The following TULP4 variants were observed in gnomAD, a reference collection of about 807,000 sequenced individuals.
TULP4 encodes TUB like protein 4.
In TULP4, 16 loss-of-function variants were observed where a neutral mutation model predicts 129.0. The ratio of observed to expected loss-of-function variants is 0.12; its 90% CI spans 0.08 to 0.19. The LOEUF is 0.19. TULP4 is among the 10% of genes least tolerant of loss of function. TULP4 has a pLI of 1.00. For synonymous variants in TULP4, 998 were observed against 854.0 expected (o/e 1.17, Z -2.94); for missense variants, 1,842 against 2,059.1 (o/e 0.89, Z 2.04).
intron 1 of TULP4, among the ~76,000 whole-genome samples, chr6:158,411,143 AAAG>A (rs1180717729): frequency 6.6e-6 from 1 of 152,106 alleles, no homozygotes; most frequent in Non-Finnish European, 1.5e-5. Context: ...AAAAAAAAAA[AAAG>A]TAAACTACTT....
chr6:158,472,143 C>T (rs528463325), intron 6 of TULP4, among the ~76,000 whole-genome samples: 3 of 152,290 alleles, frequency 2.0e-5, no homozygotes, highest in African/African-American at 4.8e-5. Context: ...TGTAAACCCT[C>T]GGGGTGTTTA....
intron 1 of TULP4, among the ~76,000 whole-genome samples, chr6:158,344,736 A>AC: frequency 6.6e-6 from 1 of 152,232 alleles, no homozygotes; most frequent in Middle Eastern, 3.4e-3. Context: ...CCAGTGAATA[A>AC]CCCTACGGTG....
At chr6:158,429,352 T>C (rs767059597) in intron 2 of TULP4, among the ~76,000 whole-genome samples, 5 of 152,262 alleles carry the variant, frequency 3.3e-5, no homozygotes, top group Non-Finnish European at 7.3e-5. Context: ...TTAACCAGGC[T>C]GGTCTCAAAC....
intron 1 of TULP4, among the ~76,000 whole-genome samples, chr6:158,369,164 A>G (rs537958349): frequency 6.6e-6 from 1 of 152,296 alleles, no homozygotes; most frequent in African/African-American, 2.4e-5. Context: ...CTTACAGGGA[A>G]TGTCATTTTA....
chr6:158,235,259 T>G (rs1777668368), intron 1 of TULP4, among the ~76,000 whole-genome samples: 1 of 152,150 alleles, frequency 6.6e-6, no homozygotes, highest in Non-Finnish European at 1.5e-5. Flanking sequence ...CAACTATCAC[T>G]TCTGTCCAGA....
chr6:158,319,213 C>T (rs1353898977), intron 1 of TULP4, among the ~76,000 whole-genome samples: 1 of 152,064 alleles, frequency 6.6e-6, no homozygotes, highest in Non-Finnish European at 1.5e-5. Context: ...CTGTGGGTGG[C>T]ACTAGATAAT....
intron 5 of TULP4, among the ~76,000 whole-genome samples, chr6:158,453,485 C>CAAAAAAAAAAAAAA (rs869146924): frequency 1.1e-3 from 20 of 17,984 alleles, no homozygotes; most frequent in Non-Finnish European, 1.5e-3. Flanking sequence ...CTCTGTCTCA[C>CAAAAAAAAAAAAAA]AAAAAAAAAA....
In TULP4 at chr6:158,389,530, T is replaced by TG. The variant is rs72116414; in HGVS notation, c.253-23535_253-23534insG. Among the ~76,000 whole-genome samples the TG allele has an allele frequency of 2.0e-3, 296 of 150,644 alleles. 3 individuals carry two copies. The highest frequency in any genetic ancestry group is 7.2e-3 in the African/African-American group (291 of 40,404). On this transcript the variant is annotated intron_variant, in intron 1 of 13. Transcript: ENST00000367097. ...CTGAGACAAAAGTGAGACAGCATACTTTTTTTTTAATCATATACGTTTAAA... is the reference window on the plus strand; with the variant it reads ...CTGAGACAAAAGTGAGACAGCATACTGTTTTTTTTAATCATATACGTTTAAA...
intron 1 of TULP4, among the ~76,000 whole-genome samples, chr6:158,395,654 G>C (rs547299847): frequency 2.2e-5 from 2 of 90,622 alleles, no homozygotes; most frequent in South Asian, 9.6e-4. Context: ...CTGGCCCTGA[G>C]GTAAAGTGAT....
intron 1 of TULP4, among the ~76,000 whole-genome samples, chr6:158,253,567 G>C (rs1778185364): frequency 6.6e-6 from 1 of 151,716 alleles, no homozygotes. Flanking sequence ...TTATCTTGTG[G>C]CTTCTCAGCT....
At chr6:158,278,931 G>GTTTTTTT (rs1389156177), upstream of TULP4, among the ~76,000 whole-genome samples, 5 of 96,034 alleles carry the variant, frequency 5.2e-5, no homozygotes, top group Non-Finnish European at 7.9e-5. Flanking sequence ...CATAGTTGTT[G>GTTTTTTT]TTTTTTTTTG....
At chr6:158,418,199 C>T (rs567916686) in intron 2 of TULP4, among the ~76,000 whole-genome samples, 59 of 151,484 alleles carry the variant, frequency 3.9e-4, no homozygotes, top group African/African-American at 9.2e-4. Context: ...CTCCACCTCC[C>T]GGGTTGAAGC....
chr6:158,441,501 C>T (rs1309134548), intron 3 of TULP4, among the ~76,000 whole-genome samples: 4 of 152,156 alleles, frequency 2.6e-5, no homozygotes, highest in East Asian at 3.8e-4. Context: ...TAAATGCCAG[C>T]GTTTAGCCAG....
intron 1 of TULP4, among the ~76,000 whole-genome samples, chr6:158,395,351 C>G (rs1411667373): frequency 1.3e-5 from 2 of 152,024 alleles, no homozygotes; most frequent in African/African-American, 4.8e-5. Context: ...GAGGCTGAGG[C>G]AGGCGGATCA....
At chr6:158,435,504 C>A (rs900303288) in intron 3 of TULP4, among the ~76,000 whole-genome samples, 1 of 152,164 alleles carries the variant, frequency 6.6e-6, no homozygotes, top group African/African-American at 2.4e-5. Flanking sequence ...GCTGTCATCT[C>A]CCTCCCCGGC....
At chr6:158,237,953 G>T (rs1303812467) in intron 1 of TULP4, 6 of 724,678 alleles carry the variant, frequency 8.3e-6, no homozygotes, top group African/African-American at 3.5e-5. Flanking sequence ...GCCTCCTCCC[G>T]CCCATATTTG....
chr6:158,422,621 C>G (rs1366940731), intron 2 of TULP4, among the ~76,000 whole-genome samples: 2 of 152,106 alleles, frequency 1.3e-5, no homozygotes, highest in Non-Finnish European at 2.9e-5. Flanking sequence ...GGAAGAGGCT[C>G]CCCCATACAG....
chr6:158,367,488 G>GCAGC (rs1454841685), intron 1 of TULP4, among the ~76,000 whole-genome samples: 2 of 152,176 alleles, frequency 1.3e-5, no homozygotes, highest in African/African-American at 2.4e-5. Flanking sequence ...TAGTAAAGAA[G>GCAGC]CAGCCATATG....
Position 158,509,794 on chromosome 6 carries a change from A to C in TULP4, c.*3100A>C, listed in dbSNP as rs1189874305. ...AGGGGCTGCCCTCCTGCGCCAAGGCAGACACAAGCTGCGGGCTGTGCGGTC... is the reference window on the plus strand; with the variant it reads ...AGGGGCTGCCCTCCTGCGCCAAGGCCGACACAAGCTGCGGGCTGTGCGGTC... On this transcript the variant is annotated 3_prime_UTR_variant, in exon 14 of 14. Coordinates refer to ENST00000367097, the MANE Select transcript of TULP4 (RefSeq NM_020245.5). The C allele has an allele frequency of 2.0e-5, 3 of 152,264 alleles. No individual in the cohort carries two copies. The East Asian group carries it at 5.8e-4, about 29-fold the overall frequency. The allele number at this position is 152,264 out of a possible 1,614,324, so 9.4% of individuals were successfully genotyped here.
Sources: gnomAD v4.1 joint callset for allele counts (sites outside exome capture counted in the v4.1 genomes callset) on GRCh38, gnomAD v4.1.1 for gene constraint, MANE v1.5 for transcripts, NCBI Gene and HGNC (gene_info 2026-07-23, HGNC 2026-07-21) for gene names.